The following PPP2R2A variants were observed in gnomAD, a reference collection of about 807,000 sequenced individuals.
PPP2R2A encodes the protein serine/threonine-protein phosphatase 2A 55 kDa regulatory subunit B alpha isoform.
Under a neutral mutation model 53.2 loss-of-function variants are expected in PPP2R2A, and 9 were observed. That is an observed-to-expected ratio of 0.17 (90% confidence interval 0.10 to 0.30). The LOEUF (loss-of-function observed/expected upper bound fraction) is 0.30, where lower values mean the gene tolerates loss of function less well. PPP2R2A is among the 10% of genes least tolerant of loss of function. The pLI, the probability that PPP2R2A is intolerant of heterozygous loss-of-function variation, is 1.00. For missense variants in PPP2R2A, 235 were observed against 534.6 expected, an observed-to-expected ratio of 0.44 and a Z score of 5.53; for synonymous variants, 169 against 174.2, an observed-to-expected ratio of 0.97 and a Z score of 0.23.
intron 2 of PPP2R2A, among the ~76,000 whole-genome samples, chr8:26,325,561 C>T (rs890149385): frequency 6.6e-6 from 1 of 152,168 alleles, no homozygotes; most frequent in Non-Finnish European, 1.5e-5. Context: ...AAGTATCTGC[C>T]TATTAATGAT....
At chr8:26,294,228 T>G (rs75640624) in intron 2 of PPP2R2A, among the ~76,000 whole-genome samples, 4,049 of 152,322 alleles carry the variant, frequency 0.027, 67 homozygotes, top group Non-Finnish European at 0.042. Context: ...GCTTGGCATA[T>G]TCTGTGAAGA....
At chr8:26,368,799 C>A (rs1360872177) in intron 9 of PPP2R2A, among the ~76,000 whole-genome samples, 1 of 151,958 alleles carries the variant, frequency 6.6e-6, no homozygotes, top group Non-Finnish European at 1.5e-5. Flanking sequence ...AGAGTGAAAC[C>A]CTGTCTTGAA....
intron 2 of PPP2R2A, among the ~76,000 whole-genome samples, chr8:26,317,202 C>T (rs992815690): frequency 2.0e-5 from 3 of 152,182 alleles, no homozygotes; most frequent in Non-Finnish European, 4.4e-5. Flanking sequence ...GGGCTTTGAA[C>T]TTGCCCCTTT....
Position 26,291,789 on chromosome 8 carries a change from A to G in PPP2R2A, c.-31A>G. On this transcript the variant is annotated 5_prime_UTR_variant, in exon 1 of 10. Transcript: ENST00000380737. ...AGTTCAGGAAGCGGAGACCCCGAGG[A>G]ACCCAGCAGGGTCACCATTTGCAGC... 1.3e-6 allele frequency: 2 copies of G among 1,596,332 alleles called. No individual in the cohort carries two copies. Among genetic ancestry groups the G allele is most frequent in the Non-Finnish European group, 8.5e-7 (1 of 1,172,452 alleles).
chr8:26,360,205 A>G lies in PPP2R2A; in HGVS notation c.383A>G (p.Asp128Gly). The G allele has an allele frequency of 1.2e-6, 2 of 1,609,774 alleles. No homozygotes were observed. Among genetic ancestry groups the G allele is most frequent in the Non-Finnish European group, 1.7e-6 (2 of 1,177,034 alleles). Residue 128 changes from aspartate to glycine, a missense_variant, in exon 5 of 10, where the codon GAC becomes GGC. Physicochemically the swap from Asp to Gly is moderately conservative, Grantham distance 94. This residue lies in a region of PPP2R2A where 181 missense variants were observed against 409.9 expected (regional missense o/e 0.44). Transcript: ENST00000380737. The surrounding 1 kb of genome is among the most constrained non-coding windows in gnomAD (Gnocchi z 4.5). The part of the protein sequence containing the change: ...TIKLWKISER[D>G]KRPEGYNLKE... ...AAATTATGGAAAATCAGTGAAAGGG[A>G]CAAAAGACCAGAAGGGTATAACTTG...
chr8:26,335,751 A>G (rs1194805760), intron 2 of PPP2R2A, among the ~76,000 whole-genome samples: 1 of 152,198 alleles, frequency 6.6e-6, no homozygotes, highest in Non-Finnish European at 1.5e-5. Context: ...CTTTCCTGAT[A>G]TCCAGCCACT....
chr8:26,338,156 T>C lies in PPP2R2A; in HGVS notation c.83-734T>C, dbSNP rs1803763385. ...TTTACCATGTTACTGCTCTATCTTA[T>C]GCCCATTTCTGTAATTTAGACTTTT... On this transcript the variant is annotated intron_variant, in intron 2 of 9. Coordinates refer to ENST00000380737, the MANE Select transcript of PPP2R2A (RefSeq NM_002717.4). This position sits in a 1 kb window ranked among gnomAD's most constrained non-coding sequence, Gnocchi z 4.5. 6.6e-6 allele frequency among the ~76,000 whole-genome samples: 1 copy of C among 152,234 alleles called. No homozygotes were observed. Among genetic ancestry groups the C allele is most frequent in the East Asian group, 1.9e-4 (1 of 5,200 alleles).
In PPP2R2A at chr8:26,345,855, T is replaced by C. The variant is rs529582785; in HGVS notation, c.180+6868T>C. ...TCTATGCCCTCTTTTTCTAGTGGTGTATTTATTGAATTTGGATGGGCCACA... is the reference window on the plus strand; with the variant it reads ...TCTATGCCCTCTTTTTCTAGTGGTGCATTTATTGAATTTGGATGGGCCACA... On this transcript the variant is annotated intron_variant, in intron 3 of 9. Coordinates refer to ENST00000380737, the MANE Select transcript of PPP2R2A (RefSeq NM_002717.4). Among the ~76,000 whole-genome samples, 6 of 152,330 alleles carry C rather than the reference T, an allele frequency of 3.9e-5. No homozygotes were observed. In the East Asian group the frequency reaches 1.2e-3, roughly 29 times the overall value.
At chr8:26,359,097 T>C (rs1330619832) in intron 4 of PPP2R2A, 4 of 320,006 alleles carry the variant, frequency 1.2e-5, no homozygotes, top group African/African-American at 8.5e-5. Context: ...CATCTCTCTG[T>C]TCTGTTCCTA....
intron 2 of PPP2R2A, among the ~76,000 whole-genome samples, chr8:26,313,157 C>T (rs745963886): frequency 6.6e-6 from 1 of 151,828 alleles, no homozygotes; most frequent in Non-Finnish European, 1.5e-5. Flanking sequence ...CCTCAGCCTC[C>T]CAAGTAGCTA....
intron 2 of PPP2R2A, among the ~76,000 whole-genome samples, chr8:26,322,801 A>G (rs1229748009): frequency 6.6e-6 from 1 of 152,182 alleles, no homozygotes. Context: ...GGTGGTTTCA[A>G]CTTAGTTCAA....
intron 2 of PPP2R2A, among the ~76,000 whole-genome samples, chr8:26,303,957 C>T (rs1423483107): frequency 2.0e-5 from 3 of 152,146 alleles, no homozygotes; most frequent in African/African-American, 7.2e-5. Context: ...TCTGTATGTT[C>T]AAATACCAGA....
chr8:26,336,596 C>T (rs1346985642), intron 2 of PPP2R2A, among the ~76,000 whole-genome samples: 3 of 152,002 alleles, frequency 2.0e-5, no homozygotes, highest in South Asian at 2.1e-4. Flanking sequence ...AAATTGAGCC[C>T]GGCTGGGTAT....
intron 2 of PPP2R2A, among the ~76,000 whole-genome samples, chr8:26,294,949 A>C (rs1264349810): frequency 6.6e-6 from 1 of 152,218 alleles, no homozygotes; most frequent in Non-Finnish European, 1.5e-5. Flanking sequence ...TCATGCACAT[A>C]GTGTAAATCA....
At chr8:26,335,359 C>T (rs770869315) in intron 2 of PPP2R2A, among the ~76,000 whole-genome samples, 23 of 152,156 alleles carry the variant, frequency 1.5e-4, no homozygotes, top group Non-Finnish European at 2.4e-4. Flanking sequence ...TCTTTCTCTT[C>T]TCTTTTGTTT....
intron 2 of PPP2R2A, among the ~76,000 whole-genome samples, chr8:26,332,373 A>G: frequency 6.6e-6 from 1 of 151,950 alleles, no homozygotes; most frequent in East Asian, 1.9e-4. Context: ...CAAAAAAAAA[A>G]AAAAAAAGAA....
intron 2 of PPP2R2A, among the ~76,000 whole-genome samples, chr8:26,323,486 A>C (rs1407711672): frequency 6.6e-6 from 1 of 152,154 alleles, no homozygotes; most frequent in Non-Finnish European, 1.5e-5. Flanking sequence ...TGGAAGCCCC[A>C]GGTTGTTTAC....
Position 26,363,854 on chromosome 8 carries a change from C to T in PPP2R2A, c.936C>T (p.Asp312=), listed in dbSNP as rs551400995. 136 of 1,602,856 alleles carry T rather than the reference C, an allele frequency of 8.5e-5. 3 individuals carry two copies. In the South Asian group the frequency reaches 1.5e-3, roughly 17 times the overall value. Residue 312 remains aspartate (D), a synonymous_variant, in exon 8 of 10, where the codon GAC becomes GAT. Coordinates refer to ENST00000380737, the MANE Select transcript of PPP2R2A (RefSeq NM_002717.4). ...TRDYLSVKIW[D]LNMENRPVET... Reference sequence around the variant, plus strand: ...ACTATTTGTCAGTCAAAATTTGGGACTTAAATATGGAAAACAGGCCTGTGG... The same window carrying T: ...ACTATTTGTCAGTCAAAATTTGGGATTTAAATATGGAAAACAGGCCTGTGG...
intron 2 of PPP2R2A, among the ~76,000 whole-genome samples, chr8:26,298,311 C>G (rs1388840254): frequency 6.6e-6 from 1 of 152,172 alleles, no homozygotes; most frequent in Non-Finnish European, 1.5e-5. Flanking sequence ...AATCCCTAGT[C>G]CATCTCCTAA....
Sources: allele counts gnomAD v4.1 joint callset (sites outside exome capture counted in the v4.1 genomes callset), GRCh38; gene constraint gnomAD v4.1.1; regional missense constraint gnomAD v4.1.1; non-coding constraint Gnocchi (gnomAD v3.1); transcripts MANE v1.5; gene names NCBI Gene and HGNC (gene_info 2026-07-23, HGNC 2026-07-21).